The following PLCL2 variants were observed in gnomAD, a reference collection of about 807,000 sequenced individuals.
The protein encoded by PLCL2 is phospholipase C like 2.
In PLCL2, 4 loss-of-function variants were observed where a neutral mutation model predicts 79.6. The observed-to-expected ratio is 0.05, with a 90% CI of 0.02 to 0.11. The LOEUF is 0.11. PLCL2 is among the 10% of genes least tolerant of loss of function. PLCL2 has a pLI of 1.00. For synonymous variants in PLCL2, 484 were observed against 457.7 expected (o/e 1.06, Z -0.73); for missense variants, 895 against 1,291.0 (o/e 0.69, Z 4.70).
intron 1 of PLCL2, among the ~76,000 whole-genome samples, chr3:16,958,434 G>A (rs890184465): frequency 2.3e-4 from 35 of 152,070 alleles, no homozygotes; most frequent in African/African-American, 8.5e-4. Flanking sequence ...ATGTGGGTGG[G>A]TACAGCATTC....
At position 16,887,315 on chromosome 3, in the gene PLCL2, A is replaced by G. The variant is rs367810448; in HGVS notation, c.327+1949A>G. 2.0e-5 allele frequency among the ~76,000 whole-genome samples: 3 copies of G among 152,224 alleles called. No individual in the cohort carries two copies. In the East Asian group the frequency reaches 5.8e-4, roughly 29 times the overall value. On this transcript the variant is annotated intron_variant, in intron 1 of 5. Coordinates refer to ENST00000615277, the MANE Select transcript of PLCL2 (RefSeq NM_001144382.2). This position sits in a 1 kb window ranked among gnomAD's most constrained non-coding sequence, Gnocchi z 4.1. ...TAACCCTAGATATAAAGTGCCAGGA[A>G]TGTAGTAGCAGCTCAATAAATTGCT...
chr3:16,945,578 T>A (rs1329314638), intron 1 of PLCL2, among the ~76,000 whole-genome samples: 2 of 152,198 alleles, frequency 1.3e-5, no homozygotes, highest in African/African-American at 4.8e-5. Flanking sequence ...TGACTTTTGA[T>A]ATATTCTGGA....
At chr3:17,021,623 CA>C (rs1296745172) in intron 3 of PLCL2, among the ~76,000 whole-genome samples, 4 of 151,872 alleles carry the variant, frequency 2.6e-5, no homozygotes, top group South Asian at 2.1e-4. Context: ...CACACACACA[CA>C]CACACACCCC....
intron 5 of PLCL2, among the ~76,000 whole-genome samples, chr3:17,082,578 G>A (rs1161445666): frequency 6.6e-6 from 1 of 152,122 alleles, no homozygotes; most frequent in Non-Finnish European, 1.5e-5. Flanking sequence ...AGTCCTTTGT[G>A]TCTCGCCTTG....
chr3:17,015,432 C>A (rs1336355296), intron 3 of PLCL2, among the ~76,000 whole-genome samples: 1 of 152,164 alleles, frequency 6.6e-6, no homozygotes, highest in Non-Finnish European at 1.5e-5. Flanking sequence ...ATGGGGTATC[C>A]TCAGGACACC....
Position 17,041,595 on chromosome 3 carries a change from A to AT in PLCL2, c.3019-1278dup, listed in dbSNP as rs1159180753. 5.3e-5 allele frequency among the ~76,000 whole-genome samples: 8 copies of AT among 152,218 alleles called. No homozygotes were observed. In the East Asian group the frequency reaches 1.2e-3, roughly 22 times the overall value. ...ATTATGCAAATAATCCAACCTGCAT[A>AT]TATTTAGTTACTATAAGATAATTAC... On this transcript the variant is annotated intron_variant, in intron 3 of 5. Coordinates refer to ENST00000615277, the MANE Select transcript of PLCL2 (RefSeq NM_001144382.2).
Position 16,885,318 on chromosome 3 carries a change from C to A in PLCL2, c.279C>A (p.Pro93=). The A allele has an allele frequency of 1.5e-6, 1 of 667,094 alleles. No homozygotes were observed. Among genetic ancestry groups the A allele is most frequent in the Non-Finnish European group, 2.7e-6 (1 of 368,586 alleles). The allele number at this position is 667,094 out of a possible 1,614,324, so 41.3% of individuals were successfully genotyped here. The change falls in exon 1 of 6, where the codon CCC becomes CCA. Residue 93 remains proline, a synonymous_variant. Coordinates refer to ENST00000615277, the MANE Select transcript of PLCL2 (RefSeq NM_001144382.2). ...PTPSAVVCTL[P]RESKPGGLPR... is the part of the protein sequence containing the mutation. ...CCAGCGCGGTCGTCTGTACCCTCCC[C>A]CGGGAGAGCAAGCCGGGCGGCCTGC...
chr3:16,926,184 T>G (rs1269432634), intron 1 of PLCL2, among the ~76,000 whole-genome samples: 1 of 152,262 alleles, frequency 6.6e-6, no homozygotes, highest in East Asian at 1.9e-4. Flanking sequence ...TTGCTGATTC[T>G]TCATGATAAT....
At chr3:16,907,342 G>C (rs772001471) in intron 1 of PLCL2, among the ~76,000 whole-genome samples, 33 of 152,168 alleles carry the variant, frequency 2.2e-4, no homozygotes, top group Non-Finnish European at 4.3e-4. Context: ...AACTTTATAG[G>C]ACTGAATGTT....
intron 1 of PLCL2, among the ~76,000 whole-genome samples, chr3:16,911,252 CAA>C (rs780366754): frequency 2.0e-4 from 11 of 55,980 alleles, no homozygotes; most frequent in South Asian, 5.7e-4. Flanking sequence ...GACTCTGTCT[CAA>C]AAAAAAAAAA....
At chr3:16,952,058 C>A (rs983958652) in intron 1 of PLCL2, among the ~76,000 whole-genome samples, 1 of 151,820 alleles carries the variant, frequency 6.6e-6, no homozygotes, top group Non-Finnish European at 1.5e-5. Flanking sequence ...TGAGGACTTA[C>A]AAATATATCA....
At chr3:17,030,078 C>T (rs1239628743) in intron 3 of PLCL2, among the ~76,000 whole-genome samples, 2 of 152,080 alleles carry the variant, frequency 1.3e-5, no homozygotes, top group Admixed American at 6.5e-5. Context: ...GCTTGTGTGA[C>T]TGGGGGCAAG....
intron 5 of PLCL2, among the ~76,000 whole-genome samples, chr3:17,071,727 A>G (rs187337558): frequency 1.4e-3 from 216 of 152,306 alleles, no homozygotes; most frequent in Non-Finnish European, 3.2e-4. Context: ...TAAATTGGCA[A>G]TGATTTTTAT....
At chr3:16,907,348 A>C (rs1696775162) in intron 1 of PLCL2, among the ~76,000 whole-genome samples, 1 of 152,218 alleles carries the variant, frequency 6.6e-6, no homozygotes, top group South Asian at 2.1e-4. Context: ...ATAGGACTGA[A>C]TGTTAACCAG....
At chr3:16,925,117 G>T (rs1364163542) in intron 1 of PLCL2, among the ~76,000 whole-genome samples, 2 of 151,698 alleles carry the variant, frequency 1.3e-5, no homozygotes, top group African/African-American at 2.4e-5. Context: ...TAGAGACAGG[G>T]TTTCACCATG....
At chr3:17,066,598 T>C (rs2065013427) in intron 4 of PLCL2, among the ~76,000 whole-genome samples, 1 of 152,212 alleles carries the variant, frequency 6.6e-6, no homozygotes, top group African/African-American at 2.4e-5. Context: ...CTAAATTATA[T>C]GTAATAGCAA....
chr3:16,942,851 G>T (rs533874672), intron 1 of PLCL2, among the ~76,000 whole-genome samples: 1 of 152,258 alleles, frequency 6.6e-6, no homozygotes, highest in East Asian at 1.9e-4. Context: ...CTTAATACAG[G>T]AAACAAGTTT....
intron 3 of PLCL2, among the ~76,000 whole-genome samples, chr3:17,032,293 C>T (rs535463602): frequency 1.3e-5 from 2 of 152,236 alleles, no homozygotes; most frequent in East Asian, 1.9e-4. Flanking sequence ...AAATCTCAAT[C>T]TAGAAATAGT....
intron 1 of PLCL2, among the ~76,000 whole-genome samples, chr3:16,914,608 G>C (rs1335247413): frequency 6.6e-6 from 1 of 150,512 alleles, no homozygotes; most frequent in African/African-American, 2.4e-5. Flanking sequence ...GTAAACTTTG[G>C]TTTTCATGAA....
Sources: allele counts gnomAD v4.1 joint callset (sites outside exome capture counted in the v4.1 genomes callset), GRCh38; gene constraint gnomAD v4.1.1; non-coding constraint Gnocchi (gnomAD v3.1); transcripts MANE v1.5; gene names NCBI Gene and HGNC (gene_info 2026-07-23, HGNC 2026-07-21).